The following CDYL variants were observed in gnomAD, a reference collection of about 807,000 sequenced individuals.
CDYL encodes chromodomain Y like.
A neutral mutation model predicts 47.3 loss-of-function variants in CDYL; 8 were observed. That is an observed-to-expected ratio of 0.17 (90% CI 0.10 to 0.31). The LOEUF (loss-of-function observed/expected upper bound fraction) is 0.31. Among genes scored for constraint, CDYL ranks in the 10% least tolerant of loss-of-function variants. The pLI, the probability that CDYL is intolerant of heterozygous loss-of-function variation, is 1.00. For missense variants in CDYL, 471 were observed against 701.4 expected (o/e 0.67, Z 3.71); for synonymous variants, 266 against 265.0 (o/e 1.00, Z -0.04).
At chr6:4,916,018 C>A (rs1208519887) in intron 2 of CDYL, among the ~76,000 whole-genome samples, 1 of 152,194 alleles carries the variant, frequency 6.6e-6, no homozygotes, top group Non-Finnish European at 1.5e-5. Context: ...AGCCTCCCCA[C>A]CCCGCCACCC....
intron 3 of CDYL, among the ~76,000 whole-genome samples, chr6:4,760,433 A>G (rs897119468): frequency 1.3e-5 from 2 of 151,916 alleles, no homozygotes; most frequent in African/African-American, 4.8e-5. Context: ...ATAAATGTTG[A>G]TGCTGCTTTC....
intron 2 of CDYL, among the ~76,000 whole-genome samples, chr6:4,907,466 TCCA>T (rs1388985334): frequency 1.3e-5 from 2 of 152,156 alleles, no homozygotes; most frequent in Non-Finnish European, 2.9e-5. Context: ...GCTCAGGTGA[TCCA>T]CCTCAGCTTT....
intron 1 of CDYL, among the ~76,000 whole-genome samples, chr6:4,889,158 A>G (rs896034447): frequency 6.6e-6 from 1 of 152,010 alleles, no homozygotes; most frequent in Non-Finnish European, 1.5e-5. Context: ...GCTCCTTCAC[A>G]GTCTGATGCT....
intron 1 of CDYL, among the ~76,000 whole-genome samples, chr6:4,798,859 T>G (rs1272791111): frequency 6.6e-6 from 1 of 150,972 alleles, no homozygotes; most frequent in Non-Finnish European, 1.5e-5. Flanking sequence ...AAGCTAGACT[T>G]AACATTTCTC....
intron 1 of CDYL, among the ~76,000 whole-genome samples, chr6:4,841,975 T>C (rs1227888896): frequency 1.1e-4 from 16 of 145,950 alleles, no homozygotes; most frequent in East Asian, 1.9e-4. Context: ...ATTATATTAA[T>C]ATTAATAATA....
chr6:4,871,320 T>C (rs1320743625), intron 1 of CDYL, among the ~76,000 whole-genome samples: 3 of 152,174 alleles, frequency 2.0e-5, no homozygotes, highest in Admixed American at 2.0e-4. Flanking sequence ...TGCTGTTGGA[T>C]TTTAATGTGG....
At chr6:4,753,200 G>C (rs1426134301) in intron 3 of CDYL, among the ~76,000 whole-genome samples, 1 of 152,084 alleles carries the variant, frequency 6.6e-6, no homozygotes, top group African/African-American at 2.4e-5. Context: ...CATGAGCCAC[G>C]GTGCCTGGCC....
At chr6:4,923,745 A>T (rs532308471) in intron 2 of CDYL, among the ~76,000 whole-genome samples, 182 of 152,144 alleles carry the variant, frequency 1.2e-3, no homozygotes, top group Admixed American at 3.0e-3. Context: ...AAAATATTTA[A>T]AAAAAATTAG....
intron 1 of CDYL, among the ~76,000 whole-genome samples, chr6:4,840,377 C>T (rs1760451915): frequency 6.6e-6 from 1 of 152,092 alleles, no homozygotes. Context: ...TTCCTCTTTA[C>T]TGATTTGGAT....
chr6:4,775,895 G>A (rs1263928352), upstream of CDYL, among the ~76,000 whole-genome samples: 2 of 150,562 alleles, frequency 1.3e-5, no homozygotes, highest in Admixed American at 1.3e-4. This position sits in a 1 kb window ranked among gnomAD's most constrained non-coding sequence, Gnocchi z 7.0. Flanking sequence ...GGAGGCGCGC[G>A]GTAGACGGCG....
chr6:4,724,131 C>T (rs990549432), intron 2 of CDYL, among the ~76,000 whole-genome samples: 5 of 152,180 alleles, frequency 3.3e-5, no homozygotes, highest in East Asian at 3.8e-4. Flanking sequence ...ACCTTGACCT[C>T]CTGGGTTCAA....
intron 1 of CDYL, among the ~76,000 whole-genome samples, chr6:4,782,594 G>A (rs1486356378): frequency 2.0e-5 from 3 of 152,166 alleles, no homozygotes; most frequent in African/African-American, 7.2e-5. Context: ...AGTCTGGGGA[G>A]GGCCTATTAT....
intron 3 of CDYL, among the ~76,000 whole-genome samples, chr6:4,753,599 C>T (rs1758031339): frequency 6.6e-6 from 1 of 152,160 alleles, no homozygotes; most frequent in African/African-American, 2.4e-5. Flanking sequence ...TATTTGCCTC[C>T]TGGTAGTAGT....
chr6:4,721,750 A>G (rs1357838618), intron 2 of CDYL, among the ~76,000 whole-genome samples: 2 of 152,128 alleles, frequency 1.3e-5, no homozygotes, highest in Non-Finnish European at 2.9e-5. Flanking sequence ...AATTCCCTGG[A>G]GAGTGAAAAG....
intron 2 of CDYL, among the ~76,000 whole-genome samples, chr6:4,894,833 T>TTG (rs1561692129): frequency 3.6e-4 from 39 of 108,502 alleles, no homozygotes; most frequent in Non-Finnish European, 5.9e-4. Context: ...TCCACAAAAG[T>TTG]CGTGTGTGTG....
chr6:4,926,894 C>G (rs1166319951), intron 2 of CDYL, among the ~76,000 whole-genome samples: 1 of 152,122 alleles, frequency 6.6e-6, no homozygotes, highest in African/African-American at 2.4e-5. Flanking sequence ...TCTGCAGGTA[C>G]CACACACCTT....
At position 4,801,719 on chromosome 6, in the gene CDYL, G is replaced by T. The variant is rs188183659; in HGVS notation, c.24+24912G>T. 7.6e-3 allele frequency among the ~76,000 whole-genome samples: 1,155 copies of T among 152,214 alleles called. 9 individuals carry two copies. The highest frequency in any genetic ancestry group is 0.011 in the Non-Finnish European group (753 of 68,012). On this transcript the variant is annotated intron_variant, in intron 1 of 6. Coordinates refer to ENST00000397588, the MANE Select transcript of CDYL (RefSeq NM_004824.4). ...TCTCTGTGGTTGTCTTTATTCTGGGGATTCCCCTAGTTTCTAGCACTCCAC... is the reference window on the plus strand; with the variant it reads ...TCTCTGTGGTTGTCTTTATTCTGGGTATTCCCCTAGTTTCTAGCACTCCAC...
chr6:4,874,575 C>T (rs1428318163), intron 1 of CDYL, among the ~76,000 whole-genome samples: 2 of 152,144 alleles, frequency 1.3e-5, no homozygotes, highest in Non-Finnish European at 1.5e-5. Flanking sequence ...CTGCTAGGTG[C>T]GTTAAATGAG....
At chr6:4,758,368 A>ATATATATATATATATATC (rs1400799578) in intron 3 of CDYL, among the ~76,000 whole-genome samples, 7 of 144,542 alleles carry the variant, frequency 4.8e-5, no homozygotes, top group African/African-American at 1.8e-4. Context: ...ATATATATAT[A>ATATATATATATATATATC]TATCTCTTTG....
Sources: allele counts gnomAD v4.1 joint callset (sites outside exome capture counted in the v4.1 genomes callset), GRCh38; gene constraint gnomAD v4.1.1; non-coding constraint Gnocchi (gnomAD v3.1); transcripts MANE v1.5; gene names NCBI Gene and HGNC (gene_info 2026-07-23, HGNC 2026-07-21).